The following LUZP2 variants were observed in gnomAD, a reference collection of about 807,000 sequenced individuals.
LUZP2 encodes the protein leucine zipper protein 2.
A neutral mutation model predicts 51.6 loss-of-function variants in LUZP2; 52 were observed. The observed-to-expected ratio is 1.01, with a 90% confidence interval of 0.81 to 1.27. The LOEUF (loss-of-function observed/expected upper bound fraction) is 1.27. LUZP2 is among the 50% of genes most tolerant of loss of function. The pLI, the probability that LUZP2 is intolerant of heterozygous loss-of-function variation, is 0.00. For synonymous variants in LUZP2, 154 were observed against 137.3 expected (o/e 1.12, Z -0.85); for missense variants, 436 against 395.4 (o/e 1.10, Z -0.87).
chr11:24,823,455 AC>A (rs1447140230), intron 5 of LUZP2, among the ~76,000 whole-genome samples: 1 of 151,932 alleles, frequency 6.6e-6, no homozygotes, highest in African/African-American at 2.4e-5. Flanking sequence ...ATAAATTTTG[AC>A]TTATATTGAG....
chr11:24,831,479 G>A (rs894162020), intron 5 of LUZP2, among the ~76,000 whole-genome samples: 10 of 152,160 alleles, frequency 6.6e-5, no homozygotes, highest in Non-Finnish European at 1.3e-4. Context: ...AGCTTTGAAA[G>A]AAGGTACAGG....
In LUZP2 at chr11:24,736,213, A is replaced by G. The variant is rs537057135; in HGVS notation, c.252-2008A>G. ...ACCTACTCCCACACATACATTATCT[A>G]TCTATCTATCTATCTATATTTGTAA... On this transcript the variant is annotated intron_variant, in intron 3 of 11. Transcript: ENST00000336930. Among the ~76,000 whole-genome samples, 14 of 146,262 alleles carry G rather than the reference A, an allele frequency of 9.6e-5. 1 individual carries two copies. Among genetic ancestry groups the G allele is most frequent in the African/African-American group, 3.5e-4 (14 of 39,630 alleles).
intron 1 of LUZP2, among the ~76,000 whole-genome samples, chr11:24,691,479 T>G (rs1857063429): frequency 6.6e-6 from 1 of 151,400 alleles, no homozygotes; most frequent in South Asian, 2.1e-4. Flanking sequence ...ATATTCTGTT[T>G]TTTTTTTTTT....
At chr11:24,547,601 A>G (rs1458512821) in intron 1 of LUZP2, among the ~76,000 whole-genome samples, 6 of 152,128 alleles carry the variant, frequency 3.9e-5, no homozygotes, top group African/African-American at 1.4e-4. Context: ...TAAATGTGAA[A>G]CCTAAAACTA....
At chr11:24,533,936 C>T (rs1179404684) in intron 1 of LUZP2, among the ~76,000 whole-genome samples, 4 of 151,322 alleles carry the variant, frequency 2.6e-5, no homozygotes, top group South Asian at 2.1e-4. Context: ...CTTTCTGCTG[C>T]ACTGTGTTGT....
At chr11:24,581,548 G>A (rs1391822608) in intron 1 of LUZP2, among the ~76,000 whole-genome samples, 3 of 151,840 alleles carry the variant, frequency 2.0e-5, no homozygotes, top group Admixed American at 1.3e-4. Context: ...GCGCTCTCTT[G>A]CAATCGCAGA....
At chr11:24,752,782 A>G (rs1204262214) in intron 4 of LUZP2, among the ~76,000 whole-genome samples, 1 of 152,248 alleles carries the variant, frequency 6.6e-6, no homozygotes, top group East Asian at 1.9e-4. Context: ...AAAAGGCAAA[A>G]AATTCAAGAT....
chr11:24,821,873 T>TA (rs1564940285), intron 5 of LUZP2, among the ~76,000 whole-genome samples: 49 of 148,202 alleles, frequency 3.3e-4, no homozygotes, highest in African/African-American at 1.2e-3. Context: ...CCAGAAATAT[T>TA]TATATATATA....
At chr11:25,053,621 G>A (rs1036065777) in intron 10 of LUZP2, among the ~76,000 whole-genome samples, 2 of 147,136 alleles carry the variant, frequency 1.4e-5, no homozygotes, top group African/African-American at 5.0e-5. Context: ...GTTTCTTTTT[G>A]TATTTGTTTG....
At chr11:25,021,971 C>A (rs775445670) in intron 9 of LUZP2, among the ~76,000 whole-genome samples, 4 of 152,076 alleles carry the variant, frequency 2.6e-5, no homozygotes, top group Non-Finnish European at 4.4e-5. Flanking sequence ...TTTTTCACCA[C>A]TCTTCATCCT....
At chr11:25,020,872 G>A (rs1857313870) in intron 9 of LUZP2, among the ~76,000 whole-genome samples, 1 of 151,972 alleles carries the variant, frequency 6.6e-6, no homozygotes. Flanking sequence ...ATATCCAAGA[G>A]AATAATTTGG....
chr11:24,961,633 G>A (rs558205497), intron 7 of LUZP2, among the ~76,000 whole-genome samples: 2,286 of 151,594 alleles, frequency 0.015, 29 homozygotes, highest in Middle Eastern at 0.037. Flanking sequence ...TTTTGAGCCT[G>A]TGTGTGTCTC....
intron 1 of LUZP2, among the ~76,000 whole-genome samples, chr11:24,527,327 A>G (rs1477892149): frequency 6.6e-6 from 1 of 151,372 alleles, no homozygotes; most frequent in Non-Finnish European, 1.5e-5. Context: ...ATGAATTTCT[A>G]TAAGGGAAGT....
chr11:24,943,573 T>C (rs1854816859), intron 7 of LUZP2, among the ~76,000 whole-genome samples: 2 of 152,132 alleles, frequency 1.3e-5, no homozygotes, highest in African/African-American at 2.4e-5. Flanking sequence ...TATTCTAACT[T>C]ATTTTGTCAA....
intron 7 of LUZP2, among the ~76,000 whole-genome samples, chr11:24,958,034 G>A (rs1396768195): frequency 6.6e-6 from 1 of 152,142 alleles, no homozygotes; most frequent in African/African-American, 2.4e-5. Flanking sequence ...AGTTTACTGA[G>A]AATGATGATT....
chr11:24,597,634 C>T (rs917799846), intron 1 of LUZP2, among the ~76,000 whole-genome samples: 2 of 152,106 alleles, frequency 1.3e-5, no homozygotes, highest in African/African-American at 2.4e-5. Context: ...TAGGATTGCC[C>T]TTGTAGTTCA....
intron 6 of LUZP2, among the ~76,000 whole-genome samples, chr11:24,910,861 A>C (rs1432129480): frequency 6.6e-6 from 1 of 152,272 alleles, no homozygotes; most frequent in South Asian, 2.1e-4. Flanking sequence ...TCCACCGACA[A>C]CTTGCACCGT....
intron 7 of LUZP2, among the ~76,000 whole-genome samples, chr11:24,969,715 A>G (rs1443232412): frequency 1.3e-5 from 2 of 152,202 alleles, no homozygotes; most frequent in East Asian, 3.9e-4. Flanking sequence ...GTTAAGAGAT[A>G]GAGTGATTGC....
Position 24,711,841 on chromosome 11 carries a change from T to C in LUZP2, c.63-17328T>C, listed in dbSNP as rs528883682. ...TTCCCCTTACTAACATAATTGTATA[T>C]AGGCATAAACAAACACAAACACATA... On this transcript the variant is annotated intron_variant, in intron 1 of 11. Coordinates refer to ENST00000336930, the MANE Select transcript of LUZP2 (RefSeq NM_001009909.4). 4.6e-5 allele frequency among the ~76,000 whole-genome samples: 7 copies of C among 152,256 alleles called. No homozygotes were observed. The South Asian group carries it at 6.2e-4, about 14-fold the overall frequency.
Sources: allele counts gnomAD v4.1 joint callset (sites outside exome capture counted in the v4.1 genomes callset), GRCh38; gene constraint gnomAD v4.1.1; transcripts MANE v1.5; gene names NCBI Gene and HGNC (gene_info 2026-07-23, HGNC 2026-07-21).